Variants in CALD1 observed in about 807,000 individuals in gnomAD.
The protein encoded by CALD1 is caldesmon 1.
A neutral mutation model predicts 99.9 loss-of-function variants in CALD1; 33 were observed. That is an observed-to-expected ratio of 0.33 (90% CI 0.25 to 0.44). The LOEUF (loss-of-function observed/expected upper bound fraction) is 0.44. Ranked by LOEUF, CALD1 falls within the 20% of genes least tolerant of loss-of-function variation. The pLI is 1.00. For synonymous variants in CALD1, 310 were observed against 325.0 expected, an observed-to-expected ratio of 0.95 and a Z score of 0.50; for missense variants, 861 against 962.1, an observed-to-expected ratio of 0.89 and a Z score of 1.39.
intron 3 of CALD1, among the ~76,000 whole-genome samples, chr7:134,871,596 TG>T (rs2132349048): frequency 6.6e-6 from 1 of 152,334 alleles, no homozygotes; most frequent in East Asian, 1.9e-4. Flanking sequence ...GTACCCCGTA[TG>T]GGTTCATACT....
chr7:134,734,677 G>A, the CALD1 span, among the ~76,000 whole-genome samples: 1 of 152,112 alleles, frequency 6.6e-6, no homozygotes, highest in African/African-American at 2.4e-5. Flanking sequence ...TACGAGATCT[G>A]ATGGTTTTAT....
At chr7:134,951,028 G>C (rs781035866) in intron 9 of CALD1, among the ~76,000 whole-genome samples, 26 of 152,222 alleles carry the variant, frequency 1.7e-4, no homozygotes, top group Non-Finnish European at 3.2e-4. Flanking sequence ...GTGGTGTCTA[G>C]TGAGGGCCTA....
intron 1 of CALD1, among the ~76,000 whole-genome samples, chr7:134,815,147 C>T (rs946723919): frequency 3.3e-5 from 5 of 152,084 alleles, no homozygotes; most frequent in East Asian, 1.9e-4. Flanking sequence ...TCATCATGTC[C>T]GGACAAGTGA....
intron 1 of CALD1, among the ~76,000 whole-genome samples, chr7:134,831,388 C>T (rs1359835632): frequency 6.6e-6 from 1 of 151,942 alleles, no homozygotes; most frequent in African/African-American, 2.4e-5. Flanking sequence ...GGCGCGATCT[C>T]GGCTCACTGC....
chr7:134,753,471 T>G (rs755510986), intron 1 of CALD1, among the ~76,000 whole-genome samples: 35 of 152,138 alleles, frequency 2.3e-4, no homozygotes, highest in Non-Finnish European at 4.1e-4. Context: ...TCCTGGAGAA[T>G]CACTTGGGGA....
intron 3 of CALD1, among the ~76,000 whole-genome samples, chr7:134,908,274 C>T (rs1236326690): frequency 6.6e-6 from 1 of 152,086 alleles, no homozygotes; most frequent in Non-Finnish European, 1.5e-5. Flanking sequence ...AAGTTTTAAA[C>T]ATTTATCTAT....
the CALD1 span, among the ~76,000 whole-genome samples, chr7:134,726,472 G>GATTTAT: frequency 8.4e-6 from 1 of 119,466 alleles, no homozygotes; most frequent in African/African-American, 2.8e-5. Flanking sequence ...TATAGCTTTA[G>GATTTAT]ATATATAATA....
rs528058395 is a variant in CALD1, at chr7:134,915,288, G to A, written c.72-13466G>A. Among the ~76,000 whole-genome samples, 8 of 152,346 alleles carry A rather than the reference G, an allele frequency of 5.3e-5. No homozygotes were observed. The South Asian group carries it at 1.0e-3, about 20-fold the overall frequency. Reference sequence around the variant, plus strand: ...CCTTGCCTCCAAGTCTAGGTTCCACGTGGATCAGTCAGGGAGAGGAATGTA... The same window carrying A: ...CCTTGCCTCCAAGTCTAGGTTCCACATGGATCAGTCAGGGAGAGGAATGTA... On this transcript the variant is annotated intron_variant, in intron 3 of 14. Transcript: ENST00000361675.
At chr7:134,850,954 G>T (rs1483962196) in intron 2 of CALD1, among the ~76,000 whole-genome samples, 1 of 152,198 alleles carries the variant, frequency 6.6e-6, no homozygotes, top group African/African-American at 2.4e-5. Flanking sequence ...CTAGCCTGCT[G>T]CCATGTAAGA....
At chr7:134,870,591 C>A (rs1231985716) in intron 3 of CALD1, among the ~76,000 whole-genome samples, 1 of 152,216 alleles carries the variant, frequency 6.6e-6, no homozygotes, top group African/African-American at 2.4e-5. Context: ...AATAAACTTA[C>A]ACAAATTAAT....
At chr7:134,727,922 G>C in the CALD1 span, among the ~76,000 whole-genome samples, 1 of 152,304 alleles carries the variant, frequency 6.6e-6, no homozygotes, top group African/African-American at 2.4e-5. Flanking sequence ...TTGCTAATGA[G>C]TAGATTTTAG....
At chr7:134,775,604 G>A (rs1285195578), upstream of CALD1, among the ~76,000 whole-genome samples, 2 of 152,012 alleles carry the variant, frequency 1.3e-5, no homozygotes, top group African/African-American at 4.8e-5. Context: ...CCAGCTACTC[G>A]GGAGGCTGAG....
rs117766164 is a variant in CALD1 at position 134,887,637 on chromosome 7, C to T, written c.71+19833C>T. On this transcript the variant is annotated intron_variant, in intron 3 of 14. Transcript: ENST00000361675. Reference sequence around the variant, plus strand: ...GTGTATATGTGTGTGCCTGTGTGTACATGCATGTCTGTATGTGTGTGCATG... The same window carrying T: ...GTGTATATGTGTGTGCCTGTGTGTATATGCATGTCTGTATGTGTGTGCATG... 1.9e-3 allele frequency among the ~76,000 whole-genome samples: 285 copies of T among 151,164 alleles called. 5 individuals carry two copies. In the East Asian group the frequency reaches 0.032, roughly 17 times the overall value.
At chr7:134,959,937 C>T (rs756772476) in intron 11 of CALD1, 37 bp from the exon 12 acceptor site, 17 of 1,607,970 alleles carry the variant, frequency 1.1e-5, no homozygotes, top group Non-Finnish European at 1.4e-5. Context: ...GAACAAACTT[C>T]CCAGCACCAA....
At chr7:134,946,183 TTATAG>T (rs1806855035) in intron 7 of CALD1, among the ~76,000 whole-genome samples, 1 of 152,032 alleles carries the variant, frequency 6.6e-6, no homozygotes, top group Non-Finnish European at 1.5e-5. Flanking sequence ...GATATAGAAA[TTATAG>T]TATATCAGTA....
At chr7:134,766,209 T>G (rs1796825668) in intron 1 of CALD1, among the ~76,000 whole-genome samples, 1 of 140,208 alleles carries the variant, frequency 7.1e-6, no homozygotes, top group Non-Finnish European at 1.5e-5. Flanking sequence ...TGGAGTGTAG[T>G]GGCACGATCT....
intron 3 of CALD1, among the ~76,000 whole-genome samples, chr7:134,873,255 GTTTCT>G (rs1801190813): frequency 6.6e-6 from 1 of 151,794 alleles, no homozygotes. Context: ...TTCCCTTTCT[GTTTCT>G]TTTATTTCAA....
At chr7:134,968,193 G>A (rs761096538) in intron 14 of CALD1, 147 bp from the exon 15 acceptor site, 17 of 723,316 alleles carry the variant, frequency 2.4e-5, no homozygotes, top group East Asian at 2.3e-4. Context: ...ATGGAATGCC[G>A]ATAATAATCC....
intron 2 of CALD1, among the ~76,000 whole-genome samples, chr7:134,848,150 G>C (rs1217033605): frequency 6.6e-6 from 1 of 151,236 alleles, no homozygotes; most frequent in Non-Finnish European, 1.5e-5. Context: ...TGTATCCCAG[G>C]CTCAACTTAA....
Sources: gnomAD v4.1 joint callset for allele counts (sites outside exome capture counted in the v4.1 genomes callset) on GRCh38, gnomAD v4.1.1 for gene constraint, MANE v1.5 for transcripts, NCBI Gene and HGNC (gene_info 2026-07-23, HGNC 2026-07-21) for gene names.